Variants in BACH2 observed in about 807,000 individuals in gnomAD.
BACH2 encodes the protein BACH transcriptional regulator 2, also known as transcription regulator protein BACH2.
BACH2 carries 5 observed loss-of-function variants against 61.8 expected under a neutral mutation model. That is an observed-to-expected ratio of 0.08 (90% confidence interval 0.04 to 0.17). The LOEUF (loss-of-function observed/expected upper bound fraction) is 0.17, where lower values mean the gene tolerates loss of function less well. Ranked by LOEUF, BACH2 falls within the 10% of genes least tolerant of loss-of-function variation. BACH2 has a pLI of 1.00. For missense variants in BACH2, 824 were observed against 1,091.1 expected (o/e 0.76, Z 3.45); for synonymous variants, 446 against 440.1 (o/e 1.01, Z -0.17).
At chr6:90,046,498 C>T (rs1487992432) in intron 5 of BACH2, among the ~76,000 whole-genome samples, 3 of 152,184 alleles carry the variant, frequency 2.0e-5, no homozygotes, top group African/African-American at 7.2e-5. Flanking sequence ...ACTGCATTCT[C>T]CCTTGTAAGC....
intron 4 of BACH2, among the ~76,000 whole-genome samples, chr6:90,193,187 A>C (rs1768634758): frequency 2.6e-5 from 4 of 152,218 alleles, no homozygotes; most frequent in African/African-American, 9.6e-5. Context: ...AGGATGAATT[A>C]TGTCCCCTCA....
intron 4 of BACH2, among the ~76,000 whole-genome samples, chr6:90,160,611 G>C (rs895632725): frequency 3.7e-4 from 56 of 152,154 alleles, no homozygotes; most frequent in African/African-American, 1.4e-3. Flanking sequence ...TTCAAAAACA[G>C]TGTCTGTATA....
intron 5 of BACH2, among the ~76,000 whole-genome samples, chr6:90,036,100 A>C (rs570742365): frequency 9.2e-5 from 14 of 152,060 alleles, no homozygotes; most frequent in African/African-American, 3.1e-4. Flanking sequence ...TTAAGTGAAA[A>C]TAAAATGGGT....
chr6:90,196,022 T>C (rs748738818), intron 4 of BACH2, among the ~76,000 whole-genome samples: 3 of 152,198 alleles, frequency 2.0e-5, no homozygotes, highest in Non-Finnish European at 2.9e-5. Context: ...ATCCTCAGTT[T>C]GCAAATAAAG....
At chr6:90,194,580 A>T (rs1295474496) in intron 4 of BACH2, among the ~76,000 whole-genome samples, 2 of 152,222 alleles carry the variant, frequency 1.3e-5, no homozygotes, top group African/African-American at 4.8e-5. Context: ...ACTCACCAGC[A>T]TTATTCCAAA....
Position 90,135,664 on chromosome 6 carries a change from T to C in BACH2, c.-161-46555A>G, listed in dbSNP as rs1486856119. Among the ~76,000 whole-genome samples the C allele has an allele frequency of 3.3e-5, 5 of 152,106 alleles. No homozygotes were observed. The East Asian group carries it at 7.7e-4, about 23-fold the overall frequency. Reference sequence around the variant, plus strand: ...AGGAGGTTGAGGCTACAGTGAGCTGTGATCATGCCACTGCACTCCAGCCTG... The same window carrying C: ...AGGAGGTTGAGGCTACAGTGAGCTGCGATCATGCCACTGCACTCCAGCCTG... On this transcript the variant is annotated intron_variant, in intron 4 of 8. Coordinates refer to ENST00000257749, the MANE Select transcript of BACH2 (RefSeq NM_021813.4).
At chr6:90,067,846 T>C (rs1178606066) in intron 5 of BACH2, among the ~76,000 whole-genome samples, 1 of 152,116 alleles carries the variant, frequency 6.6e-6, no homozygotes, top group Non-Finnish European at 1.5e-5. Flanking sequence ...GTGGTCACAG[T>C]GTATTTATCA....
chr6:89,963,143 T>C (rs1480887889), intron 6 of BACH2, among the ~76,000 whole-genome samples: 1 of 152,164 alleles, frequency 6.6e-6, no homozygotes, highest in Non-Finnish European at 1.5e-5. Flanking sequence ...ATGCTCAACG[T>C]CACTAATTAA....
At chr6:90,081,514 A>G (rs1243775791) in intron 5 of BACH2, among the ~76,000 whole-genome samples, 1 of 152,182 alleles carries the variant, frequency 6.6e-6, no homozygotes, top group Non-Finnish European at 1.5e-5. Context: ...AATTGAGCAC[A>G]TTCATTCATC....
chr6:90,086,800 C>G lies in BACH2; in HGVS notation c.-13+2161G>C, dbSNP rs554419454. Among the ~76,000 whole-genome samples, 21 of 152,328 alleles carry G rather than the reference C, an allele frequency of 1.4e-4. No homozygotes were observed. In the East Asian group the frequency reaches 2.7e-3, roughly 20 times the overall value. The stretch of plus-strand genomic sequence containing the variant: ...GAGAGGGCGCTAAGGGGCATTTGAT[C>G]CAACCTCCTTCTTTCACTTTATGGT... On this transcript the variant is annotated intron_variant, in intron 5 of 8. Transcript: ENST00000257749.
chr6:89,937,680 C>G (rs1348319313), intron 8 of BACH2, among the ~76,000 whole-genome samples: 2 of 152,144 alleles, frequency 1.3e-5, no homozygotes, highest in Non-Finnish European at 1.5e-5. Context: ...CAGGCACGTG[C>G]TGCCATGCCC....
At chr6:90,216,522 G>A (rs1172165001) in intron 3 of BACH2, among the ~76,000 whole-genome samples, 1 of 152,198 alleles carries the variant, frequency 6.6e-6, no homozygotes, top group African/African-American at 2.4e-5. Flanking sequence ...AGGGAGTCCT[G>A]AGGGGATCCA....
intron 5 of BACH2, among the ~76,000 whole-genome samples, chr6:90,029,588 G>A (rs1462846785): frequency 6.6e-6 from 1 of 152,110 alleles, no homozygotes; most frequent in Non-Finnish European, 1.5e-5. Flanking sequence ...TCTATTGAGG[G>A]CAGGAATTTT....
At chr6:90,075,202 G>A (rs1191217429) in intron 5 of BACH2, among the ~76,000 whole-genome samples, 1 of 152,106 alleles carries the variant, frequency 6.6e-6, no homozygotes, top group Non-Finnish European at 1.5e-5. Flanking sequence ...AATACAAAAA[G>A]GAAAGATTTT....
chr6:90,093,625 G>A (rs576792057), intron 4 of BACH2, among the ~76,000 whole-genome samples: 13 of 152,140 alleles, frequency 8.5e-5, no homozygotes, highest in Non-Finnish European at 1.8e-4. Flanking sequence ...GCAGCCCTAG[G>A]TGGCTTCACA....
intron 4 of BACH2, among the ~76,000 whole-genome samples, chr6:90,181,416 G>T (rs577371321): frequency 1.3e-5 from 2 of 151,922 alleles, no homozygotes; most frequent in East Asian, 3.9e-4. Context: ...AATGGGAGAA[G>T]GGAAAAGAGG....
intron 6 of BACH2, chr6:89,952,162 A>C: frequency 2.7e-6 from 1 of 367,604 alleles, no homozygotes; most frequent in Non-Finnish European, 5.0e-6. Context: ...TCCTGGCAAA[A>C]ATGCACGGTG....
At chr6:90,135,110 T>C (rs1481242612) in intron 4 of BACH2, among the ~76,000 whole-genome samples, 1 of 152,210 alleles carries the variant, frequency 6.6e-6, no homozygotes, top group African/African-American at 2.4e-5. Context: ...CTAAAGCCAT[T>C]TTCTTCCGAA....
intron 5 of BACH2, among the ~76,000 whole-genome samples, chr6:90,018,781 T>C (rs1439851861): frequency 6.6e-6 from 1 of 152,232 alleles, no homozygotes; most frequent in Non-Finnish European, 1.5e-5. Flanking sequence ...AGGTTTGTTA[T>C]CTGGAATCAT....
Sources: allele counts gnomAD v4.1 joint callset (sites outside exome capture counted in the v4.1 genomes callset), GRCh38; gene constraint gnomAD v4.1.1; transcripts MANE v1.5; gene names NCBI Gene and HGNC (gene_info 2026-07-23, HGNC 2026-07-21).